ADGRV1: variants seen among roughly 807,000 people sequenced by gnomAD.
The protein encoded by ADGRV1 is adhesion G protein-coupled receptor V1.
In ADGRV1, 359 loss-of-function variants were observed where a neutral mutation model predicts 596.2. That is an observed-to-expected ratio of 0.60 (90% confidence interval 0.55 to 0.66). The LOEUF (loss-of-function observed/expected upper bound fraction) is 0.66. ADGRV1 is among the 30% of genes least tolerant of loss of function. The pLI is 0.00. For missense variants in ADGRV1, 7,274 were observed against 7,575.6 expected (o/e 0.96, Z 1.48); for synonymous variants, 2,681 against 2,679.2 (o/e 1.00, Z -0.02).
chr5:91,004,484 G>A (rs563585189), intron 85 of ADGRV1, among the ~76,000 whole-genome samples: 3 of 151,838 alleles, frequency 2.0e-5, no homozygotes, highest in Non-Finnish European at 4.4e-5. Flanking sequence ...TTTGGGGAAC[G>A]CTTAGGGAAA....
chr5:91,016,482 G>A (rs1783184011), intron 85 of ADGRV1, among the ~76,000 whole-genome samples: 1 of 151,934 alleles, frequency 6.6e-6, no homozygotes, highest in Non-Finnish European at 1.5e-5. Flanking sequence ...TGATTACAAA[G>A]AAAACCTCTG....
chr5:90,632,726 G>A (rs1237042715), intron 9 of ADGRV1, among the ~76,000 whole-genome samples: 5 of 152,096 alleles, frequency 3.3e-5, no homozygotes, highest in African/African-American at 1.2e-4. Flanking sequence ...TCTGATTTTT[G>A]GTGATCCTGG....
intron 22 of ADGRV1, 122 bp downstream of exon 22, chr5:90,672,844 T>A: frequency 1.5e-6 from 1 of 686,616 alleles, no homozygotes; most frequent in Non-Finnish European, 2.4e-6. Context: ...TTTACAACTG[T>A]AACTGATACA....
intron 59 of ADGRV1, among the ~76,000 whole-genome samples, chr5:90,772,270 T>C (rs1398923435): frequency 1.3e-5 from 2 of 152,328 alleles, no homozygotes; most frequent in African/African-American, 2.4e-5. Context: ...ACAGAAAGTG[T>C]TGGAGAATTT....
chr5:90,591,377 C>A (rs1759485987), intron 1 of ADGRV1, among the ~76,000 whole-genome samples: 1 of 151,958 alleles, frequency 6.6e-6, no homozygotes, highest in Non-Finnish European at 1.5e-5. Flanking sequence ...GCCTGGGCAA[C>A]ACAGCAAGAC....
At chr5:90,640,569 A>T (rs557898502) in intron 11 of ADGRV1, 11 of 152,376 alleles carry the variant, frequency 7.2e-5, no homozygotes, top group Admixed American at 5.2e-4. Context: ...GAATGTCTTG[A>T]ATGGGTCTTG....
intron 86 of ADGRV1, among the ~76,000 whole-genome samples, chr5:91,073,701 T>A (rs1581972174): frequency 1.3e-5 from 2 of 152,244 alleles, no homozygotes; most frequent in Admixed American, 6.5e-5. Context: ...GTTGGCAGAA[T>A]TTTCTTTTTT....
At chr5:90,751,036 A>G (rs1306185106) in intron 53 of ADGRV1, among the ~76,000 whole-genome samples, 1 of 152,142 alleles carries the variant, frequency 6.6e-6, no homozygotes, top group African/African-American at 2.4e-5. Flanking sequence ...GGCACAATGG[A>G]AGTAGTAAGT....
At position 90,653,539 on chromosome 5, in the gene ADGRV1, A is replaced by G; in HGVS notation, c.3965A>G (p.His1322Arg). ...TTACAACAGCACATGCGGCGTCACC[A>G]CAGTGGAACGGATGCTTTGTACTTT... ...VHLQQHMRRHHSGTDALYFTG... is the reference protein window; with the variant it reads ...VHLQQHMRRHRSGTDALYFTG... Residue 1322 changes from histidine (H) to arginine (R), a missense_variant, in exon 20 of 90, where the codon CAC (histidine) becomes CGC (arginine). Around this residue, in one of 5 missense-constraint regions of ADGRV1, gnomAD observed 1,715 missense variants for 1,708.8 expected, o/e 1.00. Transcript: ENST00000405460. 1 of 1,613,918 alleles carries G rather than the reference A, an allele frequency of 6.2e-7. No homozygotes were observed. The highest frequency in any genetic ancestry group is 2.2e-5 in the East Asian group (1 of 44,884).
At chr5:90,626,572 T>C (rs1764788546) in intron 6 of ADGRV1, 1 of 152,006 alleles carries the variant, frequency 6.6e-6, no homozygotes, top group Non-Finnish European at 1.5e-5. Flanking sequence ...ACCCCAAGAT[T>C]TCTCTGCAGC....
intron 11 of ADGRV1, chr5:90,640,890 T>A (rs897278702): frequency 2.0e-5 from 3 of 152,562 alleles, no homozygotes; most frequent in Non-Finnish European, 4.4e-5. Context: ...AAATAATACC[T>A]TGTTTTTGGT....
chr5:90,711,995 A>G (rs1201343268), intron 41 of ADGRV1, among the ~76,000 whole-genome samples: 1 of 152,094 alleles, frequency 6.6e-6, no homozygotes, highest in East Asian at 1.9e-4. Flanking sequence ...CATGTTGGCC[A>G]GGCTGGTCTC....
Position 90,685,920 on chromosome 5 carries a change from A to C in ADGRV1, c.6415A>C (p.Asn2139His). Residue 2139 changes from asparagine to histidine, a missense_variant, in exon 29 of 90, where the codon AAT becomes CAT. This residue lies in a region of ADGRV1 where 3,643 missense variants were observed against 3,809.2 expected (regional missense o/e 0.96). Transcript: ENST00000405460. The part of the protein sequence containing the change: ...VAENHVGPII[N>H]VTRTGGAFAD... ...AGAAAATCATGTTGGACCCATTATCAATGTGACTAGAACAGGAGGAGCATT... is the reference window on the plus strand; with the variant it reads ...AGAAAATCATGTTGGACCCATTATCCATGTGACTAGAACAGGAGGAGCATT... 6.2e-7 allele frequency: 1 copy of C among 1,611,232 alleles called. No individual in the cohort carries two copies. The highest frequency in any genetic ancestry group is 8.5e-7 in the Non-Finnish European group (1 of 1,178,182).
intron 85 of ADGRV1, among the ~76,000 whole-genome samples, chr5:91,007,673 C>T (rs543300425): frequency 3.3e-5 from 5 of 152,214 alleles, no homozygotes; most frequent in Non-Finnish European, 5.9e-5. Flanking sequence ...AGAGCCGTAT[C>T]GCAAGTGAAA....
Position 90,675,363 on chromosome 5 carries a change from T to A in ADGRV1, c.5231T>A (p.Ile1744Asn), listed in dbSNP as rs1425038802. 1.2e-6 allele frequency: 2 copies of A among 1,613,856 alleles called. No individual in the cohort carries two copies. The highest frequency in any genetic ancestry group is 1.7e-6 in the Non-Finnish European group (2 of 1,179,848). Residue 1744 changes from isoleucine to asparagine, a missense_variant, in exon 24 of 90, where the codon ATC becomes AAC. This residue lies in a region of ADGRV1 where 3,643 missense variants were observed against 3,809.2 expected (regional missense o/e 0.96). Transcript: ENST00000405460. The part of the protein sequence containing the change: ...EEDGEIRLLV[I>N]RAQGLLGRVT... ...GATGGAGAAATCAGGTTATTGGTCA[T>A]CCGTGCACAGGGACTTCTGGGAAGG...
At chr5:90,727,430 C>T (rs1232739859) in intron 48 of ADGRV1, among the ~76,000 whole-genome samples, 1 of 152,118 alleles carries the variant, frequency 6.6e-6, no homozygotes, top group Non-Finnish European at 1.5e-5. Flanking sequence ...TATTTCTCTT[C>T]CACACCATTA....
rs1460245873 is a variant in ADGRV1, at chr5:90,791,275, A to C, written c.14446A>C (p.Asn4816His). Residue 4816 changes from asparagine (N) to histidine (H), a missense_variant, in exon 70 of 90, where the codon AAT becomes CAT. This residue lies in a region of ADGRV1 where 1,874 missense variants were observed against 1,970.2 expected (regional missense o/e 0.95). Transcript: ENST00000405460. ...TAAAGAACAGCCGATTGTTACCGAA[A>C]ATGCAGAGAGGCAGCTGGTGGTCAA... ...DHKEQPIVTE[N>H]AERQLVVKDG... The C allele has an allele frequency of 6.2e-7, 1 of 1,607,470 alleles. No homozygotes were observed. The highest frequency in any genetic ancestry group is 8.5e-7 in the Non-Finnish European group (1 of 1,176,710).
At chr5:90,672,790 A>G in intron 22 of ADGRV1, 68 bp downstream of exon 22, 1 of 1,193,694 alleles carries the variant, frequency 8.4e-7, no homozygotes, top group Non-Finnish European at 1.2e-6. Flanking sequence ...TTTGTTCTGT[A>G]ATTTCTTTGC....
rs779845836 is a variant in ADGRV1 at position 90,690,948 on chromosome 5, A to C, written c.6858A>C (p.Arg2286=). 3.1e-6 allele frequency: 5 copies of C among 1,613,842 alleles called. No individual in the cohort carries two copies. Among genetic ancestry groups the C allele is most frequent in the Non-Finnish European group, 4.2e-6 (5 of 1,179,810 alleles). The change falls in exon 31 of 90, where the codon CGA becomes CGC. Residue 2286 remains arginine, a synonymous_variant. Transcript: ENST00000405460. ...INGQLATGDL[R]VVSGNVTFAP... ...GACAGCTTGCTACTGGCGACCTGCG[A>C]GTTGTCTCAGGTAATGTGACCTTTG...
Sources: gnomAD v4.1 joint callset for allele counts (sites outside exome capture counted in the v4.1 genomes callset) on GRCh38, gnomAD v4.1.1 for gene constraint, gnomAD v4.1.1 regional missense constraint, MANE v1.5 for transcripts, NCBI Gene and HGNC (gene_info 2026-07-23, HGNC 2026-07-21) for gene names.